The following SLC9B2 variants were observed in gnomAD, a reference collection of about 807,000 sequenced individuals.
SLC9B2 encodes the protein solute carrier family 9 member B2, also known as sodium/hydrogen exchanger 9B2.
In SLC9B2, 39 loss-of-function variants were observed where a neutral mutation model predicts 52.2. The observed-to-expected ratio is 0.75, with a 90% confidence interval of 0.58 to 0.98. SLC9B2 has a LOEUF of 0.98. Among genes scored for constraint, SLC9B2 ranks in the 50% least tolerant of loss-of-function variants. The pLI, the probability that SLC9B2 is intolerant of heterozygous loss-of-function variation, is 0.00. For synonymous variants in SLC9B2, 214 were observed against 227.0 expected (o/e 0.94, Z 0.51); for missense variants, 626 against 637.5 (o/e 0.98, Z 0.19).
chr4:103,058,067 A>G (rs1010618996), intron 3 of SLC9B2, 96 bp from the exon 4 acceptor site: 1 of 1,127,500 alleles, frequency 8.9e-7, no homozygotes, highest in Non-Finnish European at 1.3e-6. Flanking sequence ...ATACTGAATG[A>G]AAATGCAAAT....
At chr4:103,038,137 A>G (rs1030572972) in intron 9 of SLC9B2, among the ~76,000 whole-genome samples, 1 of 152,166 alleles carries the variant, frequency 6.6e-6, no homozygotes, top group African/African-American at 2.4e-5. Context: ...CTGGGATTAC[A>G]GGTGTGAGCC....
At chr4:103,021,272 A>C (rs78624253), downstream of SLC9B2, among the ~76,000 whole-genome samples, 789 of 152,258 alleles carry the variant, frequency 5.2e-3, 9 homozygotes, top group African/African-American at 0.018. Flanking sequence ...ACATCAACAA[A>C]TGGAGTTTTG....
chr4:103,057,274 A>ATATGTATGTG (rs2110637616), intron 4 of SLC9B2, among the ~76,000 whole-genome samples: 3 of 140,342 alleles, frequency 2.1e-5, no homozygotes, highest in African/African-American at 8.0e-5. Context: ...ATATATATAT[A>ATATGTATGTG]CACACACACA....
downstream of SLC9B2, chr4:103,019,523 A>C: frequency 1.0e-6 from 1 of 959,070 alleles, no homozygotes; most frequent in Non-Finnish European, 1.2e-6. Flanking sequence ...GGCCTACCGC[A>C]AGGAAACGAT....
rs962641464 is a variant in SLC9B2, at chr4:103,025,059, C to T, written c.*1311G>A. On this transcript the variant is annotated 3_prime_UTR_variant, in exon 12 of 12. Transcript: ENST00000394785. ...CTCTGGCCCCGAAAATCTGATGTTC[C>T]GTTCCTCCTAGGAGTGTGAATGCTT... is the stretch of plus-strand genomic sequence containing the variant. 1.1e-4 allele frequency among the ~76,000 whole-genome samples: 17 copies of T among 152,136 alleles called. No homozygotes were observed. In the South Asian group the frequency reaches 1.4e-3, roughly 13 times the overall value.
chr4:103,058,561 C>A (rs1560556116), intron 3 of SLC9B2, among the ~76,000 whole-genome samples: 1 of 152,124 alleles, frequency 6.6e-6, no homozygotes, highest in Non-Finnish European at 1.5e-5. Flanking sequence ...CCATGCCTGG[C>A]TAATTTCTTA....
At chr4:103,056,454 G>T (rs1289349243) in intron 4 of SLC9B2, among the ~76,000 whole-genome samples, 1 of 151,824 alleles carries the variant, frequency 6.6e-6, no homozygotes, top group African/African-American at 2.4e-5. Flanking sequence ...CACCATGTTG[G>T]CCAGGCTGAT....
At chr4:103,072,006 C>T (rs1352907831) in intron 1 of SLC9B2, among the ~76,000 whole-genome samples, 1 of 148,538 alleles carries the variant, frequency 6.7e-6, no homozygotes, top group African/African-American at 2.5e-5. Context: ...AGTAACTGCC[C>T]AGAATCACCA....
chr4:103,066,431 T>C lies in SLC9B2; in HGVS notation c.167A>G (p.Glu56Gly). 6.2e-7 allele frequency: 1 copy of C among 1,614,154 alleles called. No homozygotes were observed. Among genetic ancestry groups the C allele is most frequent in the South Asian group, 1.1e-5 (1 of 91,076 alleles). Residue 56 changes from glutamate to glycine, a missense_variant, in exon 3 of 12, where the codon GAA (glutamate) becomes GGA (glycine). Transcript: ENST00000394785. The part of the protein sequence containing the change: ...TEGSILLKSS[E>G]KKLQETPTEA... Reference sequence around the variant, plus strand: ...AGTTGGTGTTTCTTGTAGCTTTTTTTCACTGCTTTTCAAAAGAATACTTCC... The same window carrying C: ...AGTTGGTGTTTCTTGTAGCTTTTTTCCACTGCTTTTCAAAAGAATACTTCC...
At chr4:103,068,564 T>G (rs377445522) in intron 1 of SLC9B2, among the ~76,000 whole-genome samples, 1 of 152,240 alleles carries the variant, frequency 6.6e-6, no homozygotes, top group African/African-American at 2.4e-5. Flanking sequence ...ATAAGTAAGA[T>G]AGGAGAAGCT....
chr4:103,046,906 T>A, intron 7 of SLC9B2, 145 bp downstream of exon 7: 2 of 920,282 alleles, frequency 2.2e-6, no homozygotes, highest in East Asian at 5.3e-5. Context: ...TTCTGGACCC[T>A]CCTTAGGTAC....
chr4:103,061,332 A>G (rs1745621849), intron 3 of SLC9B2, among the ~76,000 whole-genome samples: 1 of 152,256 alleles, frequency 6.6e-6, no homozygotes, highest in Non-Finnish European at 1.5e-5. Flanking sequence ...TGCAGTCATA[A>G]AAAATGATGA....
At chr4:103,020,310 A>G (rs116221249), downstream of SLC9B2, 146 of 440,074 alleles carry the variant, frequency 3.3e-4, no homozygotes, top group African/African-American at 2.9e-3. Flanking sequence ...GAAAGAAATG[A>G]AAGCGGAGCT....
rs201214095 is a variant in SLC9B2 at position 103,043,437 on chromosome 4, A to G, written c.1005T>C (p.Leu335=). The G allele has an allele frequency of 1.8e-5, 29 of 1,600,120 alleles. 1 individual carries two copies. The East Asian group carries it at 2.2e-4, about 12-fold the overall frequency. Residue 335 remains leucine (L), a synonymous_variant, in exon 9 of 12, where the codon CTT becomes CTC. Coordinates refer to ENST00000394785, the MANE Select transcript of SLC9B2 (RefSeq NM_178833.7). ...QYFPSRDQDK[L]VCKRTFLVLG... is the part of the protein sequence containing the mutation. ...ACACAAGGAATGTTCTCTTACACAC[A>G]AGTTTGTCCTTTAGGAGAAAAAAAT...
chr4:103,020,033 G>T, downstream of SLC9B2: 1 of 603,944 alleles, frequency 1.7e-6, no homozygotes, highest in Non-Finnish European at 2.1e-6. Context: ...AGAAGAGCAC[G>T]GTCTCTCCCC....
chr4:103,024,200 T>C lies in SLC9B2; in HGVS notation c.*2170A>G, dbSNP rs1742016493. Among the ~76,000 whole-genome samples, 1 of 152,202 alleles carries C rather than the reference T, an allele frequency of 6.6e-6. No individual in the cohort carries two copies. ...TAAATCCTTAAGGACAGGGACAATA[T>C]TATTCTTGATGATGTGCCTGGATCT... On this transcript the variant is annotated 3_prime_UTR_variant, in exon 12 of 12. Transcript: ENST00000394785.
At chr4:103,058,677 C>G (rs1212679111) in intron 3 of SLC9B2, among the ~76,000 whole-genome samples, 2 of 152,324 alleles carry the variant, frequency 1.3e-5, no homozygotes, top group East Asian at 3.9e-4. Context: ...GCTGGGATTA[C>G]TGGTGTGAAC....
intron 3 of SLC9B2, among the ~76,000 whole-genome samples, chr4:103,059,782 A>T (rs1745466525): frequency 6.6e-6 from 1 of 152,228 alleles, no homozygotes; most frequent in African/African-American, 2.4e-5. Flanking sequence ...GAGCTAATTC[A>T]TGACATAGAA....
intron 4 of SLC9B2, among the ~76,000 whole-genome samples, chr4:103,057,076 T>C (rs1362691387): frequency 6.6e-6 from 1 of 152,058 alleles, no homozygotes; most frequent in Non-Finnish European, 1.5e-5. Context: ...GATTTTAAGC[T>C]ACAACATGAT....
Sources: allele counts gnomAD v4.1 joint callset (sites outside exome capture counted in the v4.1 genomes callset), GRCh38; gene constraint gnomAD v4.1.1; transcripts MANE v1.5; gene names NCBI Gene and HGNC (gene_info 2026-07-23, HGNC 2026-07-21).